NCAPH: variants seen among roughly 807,000 people sequenced by gnomAD.
NCAPH encodes condensin complex subunit 2.
A neutral mutation model predicts 85.5 loss-of-function variants in NCAPH; 38 were observed. The ratio of observed to expected loss-of-function variants is 0.44; its 90% CI spans 0.34 to 0.58. The LOEUF is 0.58. Among genes scored for constraint, NCAPH ranks in the 20% least tolerant of loss-of-function variants. The pLI, the probability that NCAPH is intolerant of heterozygous loss-of-function variation, is 0.01. For missense variants in NCAPH, 789 were observed against 916.6 expected (o/e 0.86, Z 1.80); for synonymous variants, 301 against 335.1 (o/e 0.90, Z 1.11).
At chr2:96,361,751 T>TATATATATATATATATAC (rs1251802459) in intron 12 of NCAPH, among the ~76,000 whole-genome samples, 1 of 114,088 alleles carries the variant, frequency 8.8e-6, no homozygotes, top group Non-Finnish European at 1.9e-5. Context: ...ATTTTAATGA[T>TATATATATATATATATAC]ATATATATAT....
chr2:96,369,584 G>A, intron 17 of NCAPH, 84 bp downstream of exon 17: 2 of 1,355,294 alleles, frequency 1.5e-6, no homozygotes, highest in Non-Finnish European at 2.1e-6. Context: ...ATCTTTCATG[G>A]GCTAACATAG....
Position 96,360,183 on chromosome 2 carries a change from A to G in NCAPH, c.1398A>G (p.Thr466=). The G allele has an allele frequency of 1.3e-6, 2 of 1,590,732 alleles. No homozygotes were observed. Among genetic ancestry groups the G allele is most frequent in the Non-Finnish European group, 1.7e-6 (2 of 1,161,088 alleles). ...PSQSENKKKS[T]KKDFEIDFED... ...AATCAGAAAACAAAAAGAAGAGTAC[A>G]AAAAAAGATTTTGAAATTGACTTTG... Residue 466 remains threonine, a synonymous_variant, in exon 11 of 18, where the codon ACA becomes ACG. Transcript: ENST00000240423.
chr2:96,353,498 G>C (rs1347022925), intron 8 of NCAPH, 101 bp downstream of exon 8: 2 of 1,047,688 alleles, frequency 1.9e-6, no homozygotes, highest in African/African-American at 3.2e-5. Context: ...ATTTAGCCAG[G>C]AGTACAGAAA....
At chr2:96,353,443 A>G (rs2064475932) in intron 8 of NCAPH, 46 bp downstream of exon 8, 2 of 1,541,780 alleles carry the variant, frequency 1.3e-6, no homozygotes, top group South Asian at 2.2e-5. Flanking sequence ...AGTTGGCTCA[A>G]GAGTGGTCCT....
chr2:96,370,949 G>A (rs910709857), intron 17 of NCAPH, among the ~76,000 whole-genome samples: 1 of 152,184 alleles, frequency 6.6e-6, no homozygotes, highest in Admixed American at 6.5e-5. Context: ...TGCGGAGAGA[G>A]GACATGCCCT....
Position 96,371,166 on chromosome 2 carries a change from G to GC in NCAPH, c.2166+1668dup, listed in dbSNP as rs145057519. ...ACCATCTGAGGTGGGTGGTGTGCAG[G>GC]CCATCCATCTCTCTGACTTGAGAAG... On this transcript the variant is annotated intron_variant, in intron 17 of 17. Transcript: ENST00000240423. Among the ~76,000 whole-genome samples, 421 of 152,260 alleles carry GC rather than the reference G, an allele frequency of 2.8e-3. 3 individuals are homozygous for GC. The highest frequency in any genetic ancestry group is 9.5e-3 in the African/African-American group (394 of 41,538).
At position 96,342,896 on chromosome 2, in the gene NCAPH, A is replaced by T. The variant is rs764964789; in HGVS notation, c.456+48A>T. On this transcript the variant is annotated intron_variant, in intron 4 of 17. Transcript: ENST00000240423. ...CTTGCATCTGAATTAAATGATGATGATTTCTACTACTTGGCATAACACAGT... is the reference window on the plus strand; with the variant it reads ...CTTGCATCTGAATTAAATGATGATGTTTTCTACTACTTGGCATAACACAGT... The T allele has an allele frequency of 1.3e-5, 20 of 1,496,770 alleles. 1 individual carries two copies. In the East Asian group the frequency reaches 4.5e-4, roughly 34 times the overall value. 92.7% of individuals were successfully genotyped at this position (1,496,770 alleles called of 1,614,324 possible).
chr2:96,369,466 C>CT lies in NCAPH; in HGVS notation c.2136dup (p.Ala713CysfsTer9). On this transcript the variant is annotated frameshift_variant, in exon 17 of 18. Coordinates refer to ENST00000240423, the MANE Select transcript of NCAPH (RefSeq NM_015341.5). LOFTEE classifies it high-confidence loss of function. ...GCTCAGAACCTCTCCATACCTCTGG[C>CT]TTTTGCCTGTCTCCTACATTTAGCC... The CT allele has an allele frequency of 3.7e-6, 6 of 1,614,138 alleles. No homozygotes were observed. The highest frequency in any genetic ancestry group is 5.1e-6 in the Non-Finnish European group (6 of 1,179,978).
intron 17 of NCAPH, among the ~76,000 whole-genome samples, chr2:96,370,250 C>T (rs1443497454): frequency 2.0e-5 from 3 of 152,210 alleles, no homozygotes; most frequent in East Asian, 1.9e-4. Flanking sequence ...TGGGCCATGG[C>T]GTGTGCGGCA....
chr2:96,361,965 A>C (rs13404944), intron 12 of NCAPH, among the ~76,000 whole-genome samples: 21 of 150,198 alleles, frequency 1.4e-4, no homozygotes, highest in African/African-American at 5.1e-4. Flanking sequence ...TGTAACTTTG[A>C]ACTCCTGGAT....
intron 5 of NCAPH, 145 bp downstream of exon 5, chr2:96,343,449 T>C (rs754653183): frequency 7.6e-6 from 7 of 923,968 alleles, no homozygotes; most frequent in Non-Finnish European, 1.1e-5. Context: ...TATATGGTCT[T>C]ACGTGAGAAG....
intron 6 of NCAPH, among the ~76,000 whole-genome samples, chr2:96,350,833 A>C (rs1413214064): frequency 6.6e-6 from 1 of 152,158 alleles, no homozygotes; most frequent in African/African-American, 2.4e-5. Flanking sequence ...AGGCATCAGG[A>C]AGACCTGTGA....
chr2:96,359,504 C>A (rs774239144), intron 10 of NCAPH: 2 of 352,214 alleles, frequency 5.7e-6, no homozygotes, highest in Non-Finnish European at 1.0e-5. Flanking sequence ...GACCCCCGGG[C>A]ACTAGAGGGC....
At position 96,376,049 on chromosome 2, in the gene NCAPH, A is replaced by G. The variant is rs2104522415; in HGVS notation, c.*2698A>G. ...CAGTTTCAGGTATTCTGTTATAGGT[A>G]ACAGAAAACAAACTAATACAAGTGG... On this transcript the variant is annotated 3_prime_UTR_variant, in exon 18 of 18. Coordinates refer to ENST00000240423, the MANE Select transcript of NCAPH (RefSeq NM_015341.5). Among the ~76,000 whole-genome samples, 1 of 152,318 alleles carries G rather than the reference A, an allele frequency of 6.6e-6. No homozygotes were observed. Among genetic ancestry groups the G allele is most frequent in the East Asian group, 1.9e-4 (1 of 5,190 alleles).
intron 1 of NCAPH, 142 bp from the exon 2 acceptor site, chr2:96,341,500 G>A: frequency 8.7e-7 from 1 of 1,147,256 alleles, no homozygotes. Flanking sequence ...AACTCTAGAG[G>A]TTCTAGCCAT....
chr2:96,361,349 T>C (rs970690080), intron 12 of NCAPH, among the ~76,000 whole-genome samples: 11 of 152,034 alleles, frequency 7.2e-5, no homozygotes, highest in Admixed American at 7.2e-4. Context: ...TGTGCCCACC[T>C]GATTCCTTGG....
At position 96,341,822 on chromosome 2, in the gene NCAPH, G is replaced by T; in HGVS notation, c.200G>T (p.Arg67Leu). Residue 67 changes from arginine to leucine, a missense_variant, in exon 2 of 18, where the codon CGG (arginine) becomes CTG (leucine). Physicochemically the swap from Arg to Leu is moderately radical, Grantham distance 102. Coordinates refer to ENST00000240423, the MANE Select transcript of NCAPH (RefSeq NM_015341.5). ...QNDDEKERLQ[R>L]RRSRVFDLQF... Reference sequence around the variant, plus strand: ...GACGATGAGAAGGAGCGGCTGCAGCGGAGGCGCTCGAGGGTCTTTGATCTG... The same window carrying T: ...GACGATGAGAAGGAGCGGCTGCAGCTGAGGCGCTCGAGGGTCTTTGATCTG... 4 of 1,613,780 alleles carry T rather than the reference G, an allele frequency of 2.5e-6. No individual in the cohort carries two copies. Among genetic ancestry groups the T allele is most frequent in the Non-Finnish European group, 2.5e-6 (3 of 1,180,022 alleles).
intron 16 of NCAPH, 81 bp from the exon 17 acceptor site, chr2:96,369,344 G>A: frequency 8.6e-7 from 1 of 1,157,730 alleles, no homozygotes; most frequent in Non-Finnish European, 1.3e-6. Flanking sequence ...GTCATTGCAT[G>A]TGTGTATTAT....
intron 12 of NCAPH, 140 bp downstream of exon 12, chr2:96,360,850 T>C: frequency 9.2e-7 from 1 of 1,084,692 alleles, no homozygotes. Flanking sequence ...GGAAATCAAA[T>C]AGATAAGGCA....
Sources: gnomAD v4.1 joint callset for allele counts (sites outside exome capture counted in the v4.1 genomes callset) on GRCh38, gnomAD v4.1.1 for gene constraint, MANE v1.5 for transcripts, NCBI Gene and HGNC (gene_info 2026-07-23, HGNC 2026-07-21) for gene names.